CSMD1: variants seen among roughly 807,000 people sequenced by gnomAD.
CSMD1 encodes CUB and Sushi multiple domains 1.
CSMD1 carries 213 observed loss-of-function variants against 417.5 expected under a neutral mutation model. The observed-to-expected ratio is 0.51, with a 90% confidence interval of 0.46 to 0.57. The LOEUF is 0.57. CSMD1 is among the 20% of genes least tolerant of loss of function. The probability of loss-of-function intolerance (pLI) is 0.00; values close to 1 mark genes in which losing one functional copy is unlikely to be tolerated. For missense variants in CSMD1, 6,923 were observed against 4,529.7 expected, an observed-to-expected ratio of 1.53 and a Z score of -15.17; for synonymous variants, 2,862 against 1,736.8, an observed-to-expected ratio of 1.65 and a Z score of -16.11.
At chr8:3,619,994 T>G (rs1324327536) in intron 7 of CSMD1, among the ~76,000 whole-genome samples, 1 of 151,996 alleles carries the variant, frequency 6.6e-6, no homozygotes, top group Non-Finnish European at 1.5e-5. Flanking sequence ...CCCAGCTACT[T>G]GGGAGGCTGA....
chr8:3,298,678 T>C (rs1031063450), intron 25 of CSMD1, among the ~76,000 whole-genome samples: 2 of 152,220 alleles, frequency 1.3e-5, no homozygotes, highest in African/African-American at 4.8e-5. Flanking sequence ...GGTCTTGAAC[T>C]CCTGATCTCA....
intron 3 of CSMD1, among the ~76,000 whole-genome samples, chr8:4,111,137 C>G (rs57123478): frequency 6.6e-6 from 1 of 152,110 alleles, no homozygotes; most frequent in Non-Finnish European, 1.5e-5. Context: ...TGGTTTGGTT[C>G]GTACACTCTA....
intron 3 of CSMD1, among the ~76,000 whole-genome samples, chr8:4,054,563 T>C (rs1798595276): frequency 6.6e-6 from 1 of 152,132 alleles, no homozygotes; most frequent in Admixed American, 6.5e-5. Flanking sequence ...TCTTGCGGAG[T>C]TCAACCCTCT....
chr8:4,457,628 A>C (rs1190489946), intron 2 of CSMD1, among the ~76,000 whole-genome samples: 1 of 152,176 alleles, frequency 6.6e-6, no homozygotes, highest in Non-Finnish European at 1.5e-5. Flanking sequence ...GCCAATCATC[A>C]TAAATATTTA....
intron 1 of CSMD1, among the ~76,000 whole-genome samples, chr8:4,689,785 TA>T (rs1806647366): frequency 6.6e-6 from 1 of 152,208 alleles, no homozygotes; most frequent in Non-Finnish European, 1.5e-5. Context: ...TGGTTTAGGC[TA>T]ACTCCATATG....
In CSMD1 at chr8:3,406,130, G is replaced by A; in HGVS notation, c.2163C>T (p.Phe721=). The A allele has an allele frequency of 1.9e-6, 3 of 1,613,880 alleles. No homozygotes were observed. Among genetic ancestry groups the A allele is most frequent in the Non-Finnish European group, 2.5e-6 (3 of 1,179,872 alleles). The change falls in exon 15 of 70, where the codon TTC becomes TTT. Residue 721 remains phenylalanine, a synonymous_variant. Coordinates refer to ENST00000635120, the MANE Select transcript of CSMD1 (RefSeq NM_033225.6). The part of the protein sequence containing the change: ...DRFLLGSSVS[F]HCDDGFVKTQ... ...TCTTGACAAAGCCATCATCACAGTG[G>A]AAAGAAACCGAGCTCCCGAGTAGAA...
chr8:4,144,259 G>T (rs531625843), intron 3 of CSMD1, among the ~76,000 whole-genome samples: 1 of 151,010 alleles, frequency 6.6e-6, no homozygotes, highest in South Asian at 2.1e-4. Flanking sequence ...CCTGCCTCAA[G>T]ACCTTATTCT....
chr8:3,222,203 T>G (rs1798259909), intron 28 of CSMD1, among the ~76,000 whole-genome samples: 1 of 152,136 alleles, frequency 6.6e-6, no homozygotes, highest in African/African-American at 2.4e-5. Context: ...CAGAGGGGTG[T>G]ATAAAACGCA....
intron 21 of CSMD1, among the ~76,000 whole-genome samples, chr8:3,350,939 T>G (rs1345586890): frequency 6.6e-6 from 1 of 152,208 alleles, no homozygotes; most frequent in African/African-American, 2.4e-5. Context: ...AAATTAACCA[T>G]CCCGTTGTAA....
In CSMD1 at chr8:4,791,092, C is replaced by T. The variant is rs187119601; in HGVS notation, c.86-153534G>A. 8.9e-5 allele frequency among the ~76,000 whole-genome samples: 13 copies of T among 146,340 alleles called. No individual in the cohort carries two copies. The South Asian group carries it at 1.9e-3, about 21-fold the overall frequency. ...ACGGTGAGAGAGACGGTGAGAGAGA[C>T]GGTGAGAAGAGACGGGGAGAAGAGA... On this transcript the variant is annotated intron_variant, in intron 1 of 69. Transcript: ENST00000635120.
chr8:4,445,884 G>A (rs895336405), intron 2 of CSMD1, among the ~76,000 whole-genome samples: 3 of 152,192 alleles, frequency 2.0e-5, no homozygotes, highest in Non-Finnish European at 1.5e-5. Flanking sequence ...AAGGGCACAA[G>A]AGGAGAGAGC....
In CSMD1 at chr8:3,850,979, A is replaced by G. The variant is rs73661004; in HGVS notation, c.819-96937T>C. Among the ~76,000 whole-genome samples, 463 of 152,348 alleles carry G rather than the reference A, an allele frequency of 3.0e-3. 4 individuals are homozygous for G. The highest frequency in any genetic ancestry group is 9.9e-3 in the African/African-American group (411 of 41,590). On this transcript the variant is annotated intron_variant, in intron 5 of 69. Transcript: ENST00000635120. Reference sequence around the variant, plus strand: ...GTTATATAAAATAACAGATGAGTATAATAAGTGCTTCAGCTTAGATAAATA... The same window carrying G: ...GTTATATAAAATAACAGATGAGTATGATAAGTGCTTCAGCTTAGATAAATA...
At chr8:3,614,608 T>C (rs564670155) in intron 8 of CSMD1, among the ~76,000 whole-genome samples, 2 of 152,342 alleles carry the variant, frequency 1.3e-5, no homozygotes, top group East Asian at 3.9e-4. Flanking sequence ...TTGAAGAATT[T>C]GATATTCTCA....
intron 26 of CSMD1, among the ~76,000 whole-genome samples, chr8:3,275,369 C>A (rs1245207516): frequency 6.6e-6 from 1 of 152,016 alleles, no homozygotes; most frequent in Non-Finnish European, 1.5e-5. Flanking sequence ...ACATTTTTTC[C>A]TTCATTTCAC....
intron 2 of CSMD1, among the ~76,000 whole-genome samples, chr8:4,427,273 A>T (rs1369450478): frequency 2.0e-5 from 3 of 152,180 alleles, no homozygotes; most frequent in Non-Finnish European, 4.4e-5. Flanking sequence ...CACTTGAGTT[A>T]TGTGGCCTTG....
intron 69 of CSMD1, among the ~76,000 whole-genome samples, chr8:2,940,288 A>G (rs1801777819): frequency 6.6e-6 from 1 of 152,218 alleles, no homozygotes; most frequent in Non-Finnish European, 1.5e-5. Context: ...CCTATGGCAC[A>G]GAAGTAGAGA....
intron 5 of CSMD1, among the ~76,000 whole-genome samples, chr8:3,882,433 T>C (rs1180234546): frequency 6.6e-6 from 1 of 152,214 alleles, no homozygotes; most frequent in African/African-American, 2.4e-5. Flanking sequence ...GTGGAGCAAC[T>C]GGAAATTTCC....
chr8:4,223,861 G>A (rs1188359563), intron 3 of CSMD1, among the ~76,000 whole-genome samples: 2 of 152,104 alleles, frequency 1.3e-5, no homozygotes, highest in Non-Finnish European at 2.9e-5. Flanking sequence ...ACATGTAAAG[G>A]TCCCTAAAAG....
chr8:4,662,688 A>G (rs903380080), intron 1 of CSMD1, among the ~76,000 whole-genome samples: 1 of 152,150 alleles, frequency 6.6e-6, no homozygotes, highest in African/African-American at 2.4e-5. Context: ...TTTCAGGAGC[A>G]TTTGTACACT....
Sources: allele counts gnomAD v4.1 joint callset (sites outside exome capture counted in the v4.1 genomes callset), GRCh38; gene constraint gnomAD v4.1.1; transcripts MANE v1.5; gene names NCBI Gene and HGNC (gene_info 2026-07-23, HGNC 2026-07-21).